The following BBS9 variants were observed in gnomAD, a reference collection of about 807,000 sequenced individuals.
BBS9 encodes the protein protein PTHB1.
BBS9 carries 89 observed loss-of-function variants against 117.7 expected under a neutral mutation model. That is an observed-to-expected ratio of 0.76 (90% confidence interval 0.64 to 0.90). The LOEUF (loss-of-function observed/expected upper bound fraction) is 0.90, where lower values mean the gene tolerates loss of function less well. Among genes scored for constraint, BBS9 ranks in the 40% least tolerant of loss-of-function variants. The probability of loss-of-function intolerance (pLI) is 0.00; values close to 1 mark genes in which losing one functional copy is unlikely to be tolerated. For missense variants in BBS9, 982 were observed against 1,042.2 expected (o/e 0.94, Z 0.80); for synonymous variants, 379 against 370.9 (o/e 1.02, Z -0.25).
intron 9 of BBS9, among the ~76,000 whole-genome samples, chr7:33,295,869 T>C (rs925686817): frequency 6.6e-6 from 1 of 151,996 alleles, no homozygotes; most frequent in African/African-American, 2.4e-5. Context: ...CCACTCTTTA[T>C]TTGCAAAGAA....
chr7:33,288,166 T>C (rs1403570317), intron 9 of BBS9, among the ~76,000 whole-genome samples: 4 of 152,156 alleles, frequency 2.6e-5, no homozygotes, highest in African/African-American at 9.7e-5. Flanking sequence ...CTTATGCCGT[T>C]ATGCAACCCA....
intron 20 of BBS9, among the ~76,000 whole-genome samples, chr7:33,529,745 A>C (rs1850275906): frequency 6.6e-6 from 1 of 152,096 alleles, no homozygotes; most frequent in African/African-American, 2.4e-5. Flanking sequence ...ATCATTTCTC[A>C]CTGAAGAGCA....
At chr7:33,219,701 G>A (rs1050973322) in intron 5 of BBS9, among the ~76,000 whole-genome samples, 17 of 152,092 alleles carry the variant, frequency 1.1e-4, no homozygotes, top group African/African-American at 3.9e-4. Context: ...GATTATAAAC[G>A]CACCAATCAG....
chr7:33,330,251 G>C (rs1813746817), intron 9 of BBS9, among the ~76,000 whole-genome samples: 1 of 152,084 alleles, frequency 6.6e-6, no homozygotes, highest in Non-Finnish European at 1.5e-5. Flanking sequence ...CTGAGCTCAG[G>C]CAATCTGCCC....
intron 21 of BBS9, among the ~76,000 whole-genome samples, chr7:33,598,498 G>A (rs778727367): frequency 2.0e-5 from 3 of 152,128 alleles, no homozygotes; most frequent in Non-Finnish European, 4.4e-5. Context: ...AATAAACTGT[G>A]GACTTTAGTT....
chr7:33,349,227 A>G (rs765741619), intron 13 of BBS9, 57 bp downstream of exon 13: 79 of 1,239,802 alleles, frequency 6.4e-5, no homozygotes, highest in South Asian at 5.3e-4. Context: ...TAAAAATACT[A>G]GTTTGTTCAT....
At chr7:33,274,315 A>T (rs987214249) in intron 9 of BBS9, among the ~76,000 whole-genome samples, 6 of 152,294 alleles carry the variant, frequency 3.9e-5, no homozygotes, top group African/African-American at 1.4e-4. Flanking sequence ...GACTGTGACG[A>T]TATTACACTG....
intron 9 of BBS9, among the ~76,000 whole-genome samples, chr7:33,275,737 A>G (rs911994860): frequency 6.6e-6 from 1 of 152,234 alleles, no homozygotes; most frequent in Non-Finnish European, 1.5e-5. Context: ...TTACACATAC[A>G]TTATATACAA....
chr7:33,153,503 T>G (rs1793662608), intron 3 of BBS9, among the ~76,000 whole-genome samples: 1 of 152,254 alleles, frequency 6.6e-6, no homozygotes. Flanking sequence ...AGAAGTACGA[T>G]GAACACTTAT....
chr7:33,471,813 T>A (rs1051811709), intron 19 of BBS9, among the ~76,000 whole-genome samples: 2 of 152,188 alleles, frequency 1.3e-5, no homozygotes, highest in African/African-American at 4.8e-5. Context: ...AAATTTCCAT[T>A]TAAAGTGGAA....
intron 16 of BBS9, among the ~76,000 whole-genome samples, chr7:33,361,479 T>A (rs371518637): frequency 3.9e-5 from 6 of 152,314 alleles, no homozygotes; most frequent in African/African-American, 4.8e-5. Context: ...TGGGTATGCA[T>A]ATTTGAAAAC....
chr7:33,559,685 GTGATC>G (rs1855804411), intron 21 of BBS9, among the ~76,000 whole-genome samples: 1 of 152,154 alleles, frequency 6.6e-6, no homozygotes, highest in Non-Finnish European at 1.5e-5. Flanking sequence ...ATAGACACAT[GTGATC>G]TGATCATATC....
chr7:33,541,712 A>G (rs1852334058), intron 21 of BBS9, among the ~76,000 whole-genome samples: 1 of 152,208 alleles, frequency 6.6e-6, no homozygotes. Flanking sequence ...ACCTCATATT[A>G]TTATAAAGCC....
At chr7:33,239,738 G>T (rs764416462) in intron 5 of BBS9, among the ~76,000 whole-genome samples, 2 of 152,052 alleles carry the variant, frequency 1.3e-5, no homozygotes, top group Non-Finnish European at 2.9e-5. Context: ...GACTAGGCAT[G>T]GTGGCCCACA....
At position 33,348,926 on chromosome 7, in the gene BBS9, A is replaced by G; in HGVS notation, c.1330-142A>G. Reference sequence around the variant, plus strand: ...GATAGAATATTTTAATCTATTACTTACTGTATTATGTTTTGTGACTACTCA... The same window carrying G: ...GATAGAATATTTTAATCTATTACTTGCTGTATTATGTTTTGTGACTACTCA... On this transcript the variant is annotated intron_variant, in intron 12 of 22. Transcript: ENST00000242067. The G allele has an allele frequency of 6.4e-6, 4 of 626,614 alleles. No individual in the cohort carries two copies. The South Asian group carries it at 6.8e-5, about 11-fold the overall frequency. The allele number at this position is 626,614 out of a possible 1,614,324, so 38.8% of individuals were successfully genotyped here. A position where few individuals can be genotyped will look rare whatever the true frequency, so the allele number is the denominator to read the frequency against.
intron 5 of BBS9, among the ~76,000 whole-genome samples, chr7:33,210,927 T>C (rs1230351800): frequency 6.6e-6 from 1 of 152,220 alleles, no homozygotes; most frequent in Non-Finnish European, 1.5e-5. Context: ...ATGATGACCT[T>C]CTTTGTCTCT....
At position 33,623,281 on chromosome 7, in the gene BBS9, GA is replaced by G. The variant is rs545845233; in HGVS notation, c.2522-11886del. Reference sequence around the variant, plus strand: ...ATAAACAATTAATATGCTAAAATTGGAAAAAAAAAACCTAATCTCATTAGTA... The same window carrying G: ...ATAAACAATTAATATGCTAAAATTGGAAAAAAAAACCTAATCTCATTAGTA... On this transcript the variant is annotated intron_variant, in intron 21 of 21. Transcript: ENST00000671952. Among the ~76,000 whole-genome samples the G allele has an allele frequency of 8.5e-4, 124 of 145,792 alleles. No individual in the cohort carries two copies. In the Middle Eastern group the frequency reaches 0.01, roughly 12 times the overall value.
chr7:33,609,697 A>G (rs1234921687), downstream of BBS9, among the ~76,000 whole-genome samples: 1 of 152,056 alleles, frequency 6.6e-6, no homozygotes, highest in African/African-American at 2.4e-5. Context: ...TTTATCTCCA[A>G]CACATTTATG....
At chr7:33,627,830 C>T (rs1865714062) in intron 21 of BBS9, among the ~76,000 whole-genome samples, 1 of 152,194 alleles carries the variant, frequency 6.6e-6, no homozygotes, top group South Asian at 2.1e-4. Context: ...ATCACTTGAG[C>T]CCAGGAGTTT....
Sources: gnomAD v4.1 joint callset for allele counts (sites outside exome capture counted in the v4.1 genomes callset) on GRCh38, gnomAD v4.1.1 for gene constraint, MANE v1.5 for transcripts, NCBI Gene and HGNC (gene_info 2026-07-23, HGNC 2026-07-21) for gene names.